FBXO40: variants seen among roughly 807,000 people sequenced by gnomAD.
The protein encoded by FBXO40 is F-box only protein 40.
In FBXO40, 50 loss-of-function variants were observed where a neutral mutation model predicts 49.9. The ratio of observed to expected loss-of-function variants is 1.00; its 90% CI spans 0.80 to 1.27. The LOEUF is 1.27. Ranked by LOEUF, FBXO40 falls within the 50% of genes most tolerant of loss-of-function variation. The pLI, the probability that FBXO40 is intolerant of heterozygous loss-of-function variation, is 0.00. For missense variants in FBXO40, 895 were observed against 870.1 expected, an observed-to-expected ratio of 1.03 and a Z score of -0.36; for synonymous variants, 340 against 320.2, an observed-to-expected ratio of 1.06 and a Z score of -0.66.
intron 1 of FBXO40, among the ~76,000 whole-genome samples, chr3:121,599,319 T>A (rs2048888930): frequency 6.6e-6 from 1 of 151,564 alleles, no homozygotes; most frequent in African/African-American, 2.4e-5. Flanking sequence ...AATGCAAAAA[T>A]TAGTTGAGTG....
chr3:121,626,928 G>C lies in FBXO40; in HGVS notation c.*18G>C. ...TCTCCTAAAAATTCAGATGCCACTC[G>C]ATGCACCCTTCTTGGATTTCTTCTC... is the stretch of plus-strand genomic sequence containing the variant. On this transcript the variant is annotated 3_prime_UTR_variant, in exon 4 of 4. Coordinates refer to ENST00000338040, the MANE Select transcript of FBXO40 (RefSeq NM_016298.4). 1 of 1,609,464 alleles carries C rather than the reference G, an allele frequency of 6.2e-7. No individual in the cohort carries two copies. Among genetic ancestry groups the C allele is most frequent in the Non-Finnish European group, 8.5e-7 (1 of 1,175,976 alleles).
At chr3:121,605,003 C>T (rs867488819) in intron 1 of FBXO40, among the ~76,000 whole-genome samples, 1 of 151,724 alleles carries the variant, frequency 6.6e-6, no homozygotes, top group Non-Finnish European at 1.5e-5. Flanking sequence ...GACACAGTCT[C>T]CCTCTGTTGC....
At chr3:121,595,591 G>A (rs2048867522) in intron 1 of FBXO40, among the ~76,000 whole-genome samples, 2 of 152,308 alleles carry the variant, frequency 1.3e-5, no homozygotes, top group Middle Eastern at 3.4e-3. Flanking sequence ...CTGGGAGAGG[G>A]TGGTTCTGTT....
chr3:121,618,793 GAC>G (rs2049013759), intron 1 of FBXO40, among the ~76,000 whole-genome samples: 1 of 151,908 alleles, frequency 6.6e-6, no homozygotes, highest in East Asian at 1.9e-4. Context: ...TTGAGAGAGA[GAC>G]AGAGAGGAGA....
chr3:121,603,119 C>T (rs1227027252), intron 1 of FBXO40, among the ~76,000 whole-genome samples: 1 of 152,202 alleles, frequency 6.6e-6, no homozygotes, highest in Admixed American at 6.5e-5. Flanking sequence ...CTCTCTTGGG[C>T]TTCTTTTATA....
At position 121,621,623 on chromosome 3, in the gene FBXO40, G is replaced by C. The variant is rs1368836892; in HGVS notation, c.194G>C (p.Cys65Ser). ...CTCTGCCCTTTAGAGCAGGTTCCGT[G>C]CCTCAACTCCGAATATGGCTGCCCT... ...QLLCPLEQVP[C>S]LNSEYGCPLS... The change falls in exon 3 of 4, where the codon TGC becomes TCC. Residue 65 changes from cysteine to serine, a missense_variant. Physicochemically the swap from Cys to Ser is moderately radical, Grantham distance 112. Transcript: ENST00000338040. The C allele has an allele frequency of 6.2e-7, 1 of 1,614,076 alleles. No homozygotes were observed. Among genetic ancestry groups the C allele is most frequent in the Admixed American group, 1.7e-5 (1 of 60,002 alleles).
chr3:121,621,622 T>C lies in FBXO40; in HGVS notation c.193T>C (p.Cys65Arg). Residue 65 changes from cysteine to arginine, a missense_variant, in exon 3 of 4, where the codon TGC becomes CGC. Physicochemically the swap from Cys to Arg is radical, Grantham distance 180. Transcript: ENST00000338040. ...CCTCTGCCCTTTAGAGCAGGTTCCG[T>C]GCCTCAACTCCGAATATGGCTGCCC... The part of the protein sequence containing the change: ...QLLCPLEQVP[C>R]LNSEYGCPLS... 1 of 1,614,228 alleles carries C rather than the reference T, an allele frequency of 6.2e-7. No individual in the cohort carries two copies. The highest frequency in any genetic ancestry group is 8.5e-7 in the Non-Finnish European group (1 of 1,180,038).
rs191688932 is a variant in FBXO40 at position 121,622,137 on chromosome 3, G to A, written c.708G>A (p.Ala236=). ...CCTCTGCTTTAACAAATTCATCAGCGAGCTGTGAGAGCAAGAACAAGAATG... is the reference window on the plus strand; with the variant it reads ...CCTCTGCTTTAACAAATTCATCAGCAAGCTGTGAGAGCAAGAACAAGAATG... ...HAASALTNSS[A]SCESKNKNDS... is the part of the protein sequence containing the mutation. Residue 236 remains alanine, a synonymous_variant, in exon 3 of 4, where the codon GCG becomes GCA. Transcript: ENST00000338040. 8.8e-5 allele frequency: 142 copies of A among 1,614,102 alleles called. No homozygotes were observed. Among genetic ancestry groups the A allele is most frequent in the Admixed American group, 1.2e-4 (7 of 60,018 alleles).
rs1576455509 is a variant in FBXO40 at position 121,621,639 on chromosome 3, T to A, written c.210T>A (p.Tyr70Ter). The A allele has an allele frequency of 1.9e-6, 3 of 1,614,198 alleles. No individual in the cohort carries two copies. Among genetic ancestry groups the A allele is most frequent in the African/African-American group, 2.7e-5 (2 of 75,054 alleles). ...LEQVPCLNSE[Y>*]GCPLSMSRHK... is the part of the protein sequence containing the mutation. ...AGGTTCCGTGCCTCAACTCCGAATATGGCTGCCCTCTGTCCATGTCCCGCC... is the reference window on the plus strand; with the variant it reads ...AGGTTCCGTGCCTCAACTCCGAATAAGGCTGCCCTCTGTCCATGTCCCGCC... The change falls in exon 3 of 4, where the codon TAT (tyrosine) becomes TAA (stop). Residue 70 changes from tyrosine (Y) to a stop codon, truncating the protein, a stop_gained. Transcript: ENST00000338040. LOFTEE classifies it high-confidence loss of function.
At chr3:121,614,424 A>G (rs1019399867) in intron 1 of FBXO40, among the ~76,000 whole-genome samples, 1 of 151,890 alleles carries the variant, frequency 6.6e-6, no homozygotes, top group African/African-American at 2.4e-5. Flanking sequence ...CCTGGGCAAC[A>G]GAGTGAGACT....
At chr3:121,599,722 A>AT (rs1221698251) in intron 1 of FBXO40, among the ~76,000 whole-genome samples, 3 of 81,596 alleles carry the variant, frequency 3.7e-5, no homozygotes, top group Non-Finnish European at 5.4e-5. Flanking sequence ...ATATATATAT[A>AT]TATTTTTTTT....
chr3:121,615,842 G>T (rs2048994837), intron 1 of FBXO40, among the ~76,000 whole-genome samples: 1 of 152,128 alleles, frequency 6.6e-6, no homozygotes. Context: ...CTTGGGATGT[G>T]GCTATCTTCA....
chr3:121,614,202 G>C (rs1467796664), intron 1 of FBXO40, among the ~76,000 whole-genome samples: 6 of 150,292 alleles, frequency 4.0e-5, no homozygotes, highest in African/African-American at 1.5e-4. Context: ...GGAAGGCGGA[G>C]GTTGCAGTGA....
intron 1 of FBXO40, among the ~76,000 whole-genome samples, chr3:121,600,815 G>C (rs937715094): frequency 1.3e-5 from 2 of 152,160 alleles, no homozygotes; most frequent in Non-Finnish European, 2.9e-5. Context: ...CATAGGAAAG[G>C]CACTAAAATT....
rs1192098419 is a variant in FBXO40 at position 121,622,475 on chromosome 3, C to T, written c.1046C>T (p.Thr349Ile). 1 of 1,614,098 alleles carries T rather than the reference C, an allele frequency of 6.2e-7. No homozygotes were observed. The highest frequency in any genetic ancestry group is 2.2e-5 in the East Asian group (1 of 44,892). ...GCTCAGGAAGTTAAGACTGTTTACA[C>T]CTTCAAAGTTCCTGTGAGCTACTGT... ...LEAQEVKTVY[T>I]FKVPVSYCGK... is the part of the protein sequence containing the mutation. Residue 349 changes from threonine to isoleucine, a missense_variant, in exon 3 of 4, where the codon ACC (threonine) becomes ATC (isoleucine). Coordinates refer to ENST00000338040, the MANE Select transcript of FBXO40 (RefSeq NM_016298.4).
chr3:121,601,151 A>C (rs931588965), intron 1 of FBXO40, among the ~76,000 whole-genome samples: 2 of 152,230 alleles, frequency 1.3e-5, no homozygotes, highest in African/African-American at 4.8e-5. Flanking sequence ...ACACTTACCC[A>C]GCCATGATTA....
rs2049078993 is a variant in FBXO40, at chr3:121,629,108, T to C, written c.*2198T>C. 1 of 152,190 alleles carries C rather than the reference T, an allele frequency of 6.6e-6. No individual in the cohort carries two copies. Among genetic ancestry groups the C allele is most frequent in the Admixed American group, 6.5e-5 (1 of 15,282 alleles). The allele number at this position is 152,190 out of a possible 1,614,324, so 9.4% of individuals were successfully genotyped here. Reference sequence around the variant, plus strand: ...CTCTAAACATGGCTCAGAGCTGGTGTAGATGAAGTAGGTGAAACCTCTGAA... The same window carrying C: ...CTCTAAACATGGCTCAGAGCTGGTGCAGATGAAGTAGGTGAAACCTCTGAA... On this transcript the variant is annotated 3_prime_UTR_variant, in exon 4 of 4. Coordinates refer to ENST00000338040, the MANE Select transcript of FBXO40 (RefSeq NM_016298.4).
chr3:121,619,291 G>A (rs1416840712), intron 1 of FBXO40, among the ~76,000 whole-genome samples: 2 of 152,034 alleles, frequency 1.3e-5, no homozygotes, highest in Admixed American at 1.3e-4. Context: ...TTACAGGTGT[G>A]AGCCATTGCG....
chr3:121,619,175 C>CT (rs72530424), intron 1 of FBXO40, among the ~76,000 whole-genome samples: 36,214 of 150,670 alleles, frequency 0.24, 4,773 homozygotes, highest in Middle Eastern at 0.36. Flanking sequence ...AATTTTTTAA[C>CT]TGTTTTTTTT....
Sources: gnomAD v4.1 joint callset for allele counts (sites outside exome capture counted in the v4.1 genomes callset) on GRCh38, gnomAD v4.1.1 for gene constraint, MANE v1.5 for transcripts, NCBI Gene and HGNC (gene_info 2026-07-23, HGNC 2026-07-21) for gene names.